ABCC10: variants seen among roughly 807,000 people sequenced by gnomAD.
ABCC10 encodes the protein ATP-binding cassette sub-family C member 10.
ABCC10 carries 110 observed loss-of-function variants against 143.2 expected under a neutral mutation model. That is an observed-to-expected ratio of 0.77 (90% confidence interval 0.66 to 0.90). ABCC10 has a LOEUF of 0.90. Ranked by LOEUF, ABCC10 falls within the 40% of genes least tolerant of loss-of-function variation. The probability of loss-of-function intolerance (pLI) is 0.00; values close to 1 mark genes in which losing one functional copy is unlikely to be tolerated. For synonymous variants in ABCC10, 805 were observed against 846.7 expected (o/e 0.95, Z 0.85); for missense variants, 1,700 against 1,900.5 (o/e 0.89, Z 1.96).
chr6:43,445,451 T>C, intron 14 of ABCC10, 137 bp downstream of exon 14: 1 of 1,353,406 alleles, frequency 7.4e-7, no homozygotes. Context: ...TGCCAATCTC[T>C]CTTCTCTGCC....
rs768163466 is a variant in ABCC10 at position 43,449,179 on chromosome 6, C to T, written c.4178C>T (p.Ala1393Val). Residue 1393 changes from alanine (A) to valine (V), a missense_variant, in exon 20 of 22, where the codon GCC (alanine) becomes GTC (valine). Transcript: ENST00000372530. ...SLGQRQLLCL[A>V]RALLTDAKIL... ...GGGCAGAGGCAGCTGTTGTGTTTGGCCAGGGCTCTCCTCACAGATGCCAAG... is the reference window on the plus strand; with the variant it reads ...GGGCAGAGGCAGCTGTTGTGTTTGGTCAGGGCTCTCCTCACAGATGCCAAG... The T allele has an allele frequency of 5.6e-6, 9 of 1,613,970 alleles. No individual in the cohort carries two copies. The highest frequency in any genetic ancestry group is 6.8e-6 in the Non-Finnish European group (8 of 1,179,984).
chr6:43,445,237 CG>C lies in ABCC10; in HGVS notation c.2956del (p.Ala986GlnfsTer28). 6.8e-6 allele frequency: 11 copies of C among 1,614,068 alleles called. No individual in the cohort carries two copies. Among genetic ancestry groups the C allele is most frequent in the Non-Finnish European group, 8.5e-6 (10 of 1,180,000 alleles). On this transcript the variant is annotated frameshift_variant, in exon 14 of 22. Coordinates refer to ENST00000372530, the MANE Select transcript of ABCC10 (RefSeq NM_001198934.2). LOFTEE classifies it high-confidence loss of function. ...AGVNSLCTLL[R>X]AVLFAAGTLQ... is the part of the protein sequence containing the mutation. ...TGTAAATTCCCTCTGCACCCTTCTC[CG>C]GGCAGTGCTCTTTGCAGCAGGCACC... is the stretch of plus-strand genomic sequence containing the variant.
In ABCC10 at chr6:43,434,628, CAG is replaced by C. The variant is rs778078061; in HGVS notation, c.1391_1392del (p.Glu464AlafsTer227). The C allele has an allele frequency of 5.6e-6, 9 of 1,612,998 alleles. No homozygotes were observed. The South Asian group carries it at 9.9e-5, about 18-fold the overall frequency. ...CTTGTCTCCTTTCCCTAGCTTGTGA[CAG>C]AGCTGCTGAGTGGCATTCGGGTCAT... On this transcript the variant is annotated frameshift_variant, in exon 4 of 22. Transcript: ENST00000372530. LOFTEE classifies it high-confidence loss of function.
chr6:43,448,206 C>T (rs1259799939), intron 18 of ABCC10: 5 of 577,038 alleles, frequency 8.7e-6, no homozygotes, highest in Non-Finnish European at 1.3e-5. Context: ...ACACCCTCCA[C>T]TCTTGTGCCC....
downstream of ABCC10, chr6:43,451,249 A>G: frequency 6.2e-7 from 1 of 1,614,032 alleles, no homozygotes; most frequent in Middle Eastern, 1.6e-4. The surrounding 1 kb of genome is among the most constrained non-coding windows in gnomAD (Gnocchi z 4.4). Flanking sequence ...TCGTCCTGGC[A>G]CTGCCCGCCA....
intron 4 of ABCC10, chr6:43,435,241 A>T (rs1781560399): frequency 1.0e-5 from 2 of 190,602 alleles, no homozygotes; most frequent in Non-Finnish European, 2.2e-5. Flanking sequence ...AGTTAAAAAG[A>T]TGCAACCTTG....
At chr6:43,447,077 A>T in intron 16 of ABCC10, 171 bp from the exon 17 acceptor site, 1 of 927,230 alleles carries the variant, frequency 1.1e-6, no homozygotes, top group East Asian at 2.8e-5. Flanking sequence ...CAAACTCCTG[A>T]CCTCGTGATC....
intron 2 of ABCC10, among the ~76,000 whole-genome samples, chr6:43,431,172 G>A (rs1427866924): frequency 2.0e-5 from 3 of 152,166 alleles, no homozygotes; most frequent in African/African-American, 7.2e-5. Flanking sequence ...TCTATAATCA[G>A]TGGAAAGAGA....
At chr6:43,450,635 C>T (rs761699614), downstream of ABCC10, 24 of 1,612,958 alleles carry the variant, frequency 1.5e-5, no homozygotes, top group African/African-American at 6.7e-5. The surrounding 1 kb of genome is among the most constrained non-coding windows in gnomAD (Gnocchi z 4.5). Context: ...GGTCCTGGCA[C>T]GCTGGAGCAT....
At chr6:43,439,064 C>T (rs944088681) in intron 8 of ABCC10, among the ~76,000 whole-genome samples, 3 of 152,158 alleles carry the variant, frequency 2.0e-5, no homozygotes, top group Admixed American at 2.0e-4. Context: ...GGGCTTAGCT[C>T]TGCACAGCCT....
At chr6:43,438,895 C>T in intron 8 of ABCC10, 100 bp downstream of exon 8, 1 of 1,418,500 alleles carries the variant, frequency 7.0e-7, no homozygotes, top group South Asian at 1.3e-5. Context: ...GTTGCTTCTA[C>T]TCGGGCATCA....
In ABCC10 at chr6:43,443,182, G is replaced by C. The variant is rs1196036811; in HGVS notation, c.2416+23G>C. ...CTGGTAATGGGGGCAGGAGCCCCGT[G>C]TGAGGGAGGTGTCTGCCCAGGTCTG... On this transcript the variant is annotated intron_variant, in intron 10 of 21. Coordinates refer to ENST00000372530, the MANE Select transcript of ABCC10 (RefSeq NM_001198934.2). The surrounding 1 kb of genome is among the most constrained non-coding windows in gnomAD (Gnocchi z 4.2). 6.4e-6 allele frequency: 10 copies of C among 1,561,028 alleles called. No individual in the cohort carries two copies. The highest frequency in any genetic ancestry group is 8.6e-6 in the Non-Finnish European group (10 of 1,160,652).
Position 43,433,213 on chromosome 6 carries a change from C to T in ABCC10, c.1233C>T (p.Thr411=), listed in dbSNP as rs750772736. The T allele has an allele frequency of 1.9e-6, 3 of 1,614,204 alleles. No individual in the cohort carries two copies. Among genetic ancestry groups the T allele is most frequent in the Non-Finnish European group, 2.5e-6 (3 of 1,180,010 alleles). The part of the protein sequence containing the change: ...AWGLPLQLAI[T]LYLLYQQVGV... Reference sequence around the variant, plus strand: ...GCCTGCCCCTGCAACTGGCCATCACCCTCTACCTGCTGTACCAGCAGGTAG... The same window carrying T: ...GCCTGCCCCTGCAACTGGCCATCACTCTCTACCTGCTGTACCAGCAGGTAG... The change falls in exon 3 of 22, where the codon ACC becomes ACT. Residue 411 remains threonine, a synonymous_variant. Coordinates refer to ENST00000372530, the MANE Select transcript of ABCC10 (RefSeq NM_001198934.2).
At chr6:43,446,770 G>T in intron 16 of ABCC10, 1 of 1,199,336 alleles carries the variant, frequency 8.3e-7, no homozygotes, top group Non-Finnish European at 1.0e-6. Context: ...GCTTCTCCAG[G>T]CCCACCCCCT....
chr6:43,445,526 C>T, intron 14 of ABCC10, 73 bp from the exon 15 acceptor site: 1 of 1,468,188 alleles, frequency 6.8e-7, no homozygotes, highest in African/African-American at 1.4e-5. Flanking sequence ...CTCCACCCCA[C>T]CTCCCCCAGT....
chr6:43,442,042 G>A, intron 9 of ABCC10, 82 bp downstream of exon 9: 1 of 1,243,448 alleles, frequency 8.0e-7, no homozygotes, highest in South Asian at 1.3e-5. Context: ...TAGGAGGATA[G>A]GAATATTTTC....
At chr6:43,436,816 G>C (rs940824849) in intron 6 of ABCC10, among the ~76,000 whole-genome samples, 2 of 152,160 alleles carry the variant, frequency 1.3e-5, no homozygotes, top group African/African-American at 4.8e-5. Context: ...TTCTCTGGTG[G>C]TGGCTGAATT....
Position 43,433,140 on chromosome 6 carries a change from ACT to A in ABCC10, c.1163_1164del (p.Ser388Ter). The A allele has an allele frequency of 1.2e-6, 2 of 1,613,934 alleles. No individual in the cohort carries two copies. Among genetic ancestry groups the A allele is most frequent in the South Asian group, 1.1e-5 (1 of 91,076 alleles). ...GAGGCCCTGAACCTACTAGGCACTGACTCTGAACGGCTGCTTAACTTTGCTGG... is the reference window on the plus strand; with the variant it reads ...GAGGCCCTGAACCTACTAGGCACTGACTGAACGGCTGCTTAACTTTGCTGG... On this transcript the variant is annotated frameshift_variant, in exon 3 of 22. Transcript: ENST00000372530. LOFTEE classifies it high-confidence loss of function.
rs746564204 is a variant in ABCC10 at position 43,449,974 on chromosome 6, G to A, written c.4362G>A (p.Ala1454=). The A allele has an allele frequency of 2.2e-5, 35 of 1,613,838 alleles. No individual in the cohort carries two copies. The highest frequency in any genetic ancestry group is 1.1e-4 in the East Asian group (5 of 44,882). The change falls in exon 22 of 22, where the codon GCG becomes GCA. Residue 1454 remains alanine, a synonymous_variant. Transcript: ENST00000372530. ...CAGACCGGGTGCTGGTGCTACAAGCGGGGAGAGTGGTAGAGCTGGACTCCC... is the reference window on the plus strand; with the variant it reads ...CAGACCGGGTGCTGGTGCTACAAGCAGGGAGAGTGGTAGAGCTGGACTCCC... ...LNSDRVLVLQ[A]GRVVELDSPA...
Sources: allele counts gnomAD v4.1 joint callset (sites outside exome capture counted in the v4.1 genomes callset), GRCh38; gene constraint gnomAD v4.1.1; non-coding constraint Gnocchi (gnomAD v3.1); transcripts MANE v1.5; gene names NCBI Gene and HGNC (gene_info 2026-07-23, HGNC 2026-07-21).